Variants in GPC6 observed in about 807,000 individuals in gnomAD.
GPC6 encodes glypican 6.
In GPC6, 14 loss-of-function variants were observed where a neutral mutation model predicts 55.2. The observed-to-expected ratio is 0.25, with a 90% CI of 0.17 to 0.40. GPC6 has a LOEUF of 0.40. Among genes scored for constraint, GPC6 ranks in the 10% least tolerant of loss-of-function variants. The pLI, the probability that GPC6 is intolerant of heterozygous loss-of-function variation, is 1.00. For synonymous variants in GPC6, 278 were observed against 259.6 expected (o/e 1.07, Z -0.68); for missense variants, 641 against 708.5 (o/e 0.90, Z 1.08).
At chr13:94,014,472 A>G (rs1882378231) in intron 3 of GPC6, among the ~76,000 whole-genome samples, 1 of 152,176 alleles carries the variant, frequency 6.6e-6, no homozygotes, top group African/African-American at 2.4e-5. Context: ...GTAGGAATTC[A>G]TTTGTTGGAG....
At chr13:93,842,065 C>T (rs934576806) in intron 3 of GPC6, among the ~76,000 whole-genome samples, 2 of 152,008 alleles carry the variant, frequency 1.3e-5, no homozygotes, top group Non-Finnish European at 2.9e-5. Context: ...TCTAAAAACA[C>T]GTTCTGTTAC....
intron 1 of GPC6, among the ~76,000 whole-genome samples, chr13:93,415,706 A>T (rs1876673179): frequency 6.6e-6 from 1 of 152,118 alleles, no homozygotes; most frequent in African/African-American, 2.4e-5. Context: ...AGGTGAGAAG[A>T]AAGATTCCTA....
At chr13:93,826,914 A>G (rs1887280268) in intron 2 of GPC6, among the ~76,000 whole-genome samples, 1 of 152,028 alleles carries the variant, frequency 6.6e-6, no homozygotes, top group South Asian at 2.1e-4. Context: ...CTGTTCTCCC[A>G]CTTGAGACAA....
chr13:93,990,855 C>T (rs1881267805), intron 3 of GPC6, among the ~76,000 whole-genome samples: 2 of 147,886 alleles, frequency 1.4e-5, no homozygotes, highest in Non-Finnish European at 3.0e-5. Context: ...AGAGCAAGAC[C>T]CTGTCAAAAG....
intron 3 of GPC6, among the ~76,000 whole-genome samples, chr13:93,902,068 C>T (rs1455742865): frequency 6.6e-6 from 1 of 151,836 alleles, no homozygotes; most frequent in African/African-American, 2.4e-5. Context: ...GTGATGAGAA[C>T]ATTCAAAATT....
intron 1 of GPC6, among the ~76,000 whole-genome samples, chr13:93,273,054 A>T (rs1014263368): frequency 2.0e-5 from 3 of 152,222 alleles, no homozygotes; most frequent in Non-Finnish European, 2.9e-5. Flanking sequence ...AAATGCAACA[A>T]AAGCCGAAAT....
chr13:93,896,077 C>G (rs921963216), intron 3 of GPC6, among the ~76,000 whole-genome samples: 1 of 151,956 alleles, frequency 6.6e-6, no homozygotes, highest in African/African-American at 2.4e-5. Context: ...ATGATAAATG[C>G]TTGAGGTGAT....
chr13:93,521,310 T>C (rs554997934), intron 1 of GPC6, among the ~76,000 whole-genome samples: 78 of 151,852 alleles, frequency 5.1e-4, no homozygotes, highest in South Asian at 1.5e-3. Flanking sequence ...CTTTTCTTTT[T>C]TTTTAGGGTG....
At chr13:93,629,777 A>T (rs1292474160) in intron 2 of GPC6, among the ~76,000 whole-genome samples, 1 of 152,222 alleles carries the variant, frequency 6.6e-6, no homozygotes, top group East Asian at 1.9e-4. Context: ...TATGGAAATA[A>T]AACAATAAAC....
chr13:93,443,298 T>C (rs1594173124), intron 1 of GPC6, among the ~76,000 whole-genome samples: 1 of 152,332 alleles, frequency 6.6e-6, no homozygotes, highest in Middle Eastern at 3.4e-3. Context: ...TTCTTATGAA[T>C]AAATTTTTTT....
At chr13:93,450,031 C>T (rs1181828319) in intron 1 of GPC6, among the ~76,000 whole-genome samples, 1 of 152,048 alleles carries the variant, frequency 6.6e-6, no homozygotes, top group Non-Finnish European at 1.5e-5. Context: ...ACCTGCCTGC[C>T]TCAGTCTCCC....
At chr13:93,719,496 G>A (rs1249330940) in intron 2 of GPC6, among the ~76,000 whole-genome samples, 1 of 151,938 alleles carries the variant, frequency 6.6e-6, no homozygotes, top group Non-Finnish European at 1.5e-5. Flanking sequence ...GAGACAATGA[G>A]GTTTTCTAAA....
chr13:94,004,225 C>T (rs1351599998), intron 3 of GPC6, among the ~76,000 whole-genome samples: 2 of 152,036 alleles, frequency 1.3e-5, no homozygotes, highest in Non-Finnish European at 2.9e-5. Context: ...GACATGTACT[C>T]ATGTAGAGAA....
chr13:94,368,526 C>G (rs918344950), intron 6 of GPC6, among the ~76,000 whole-genome samples: 4 of 152,024 alleles, frequency 2.6e-5, no homozygotes, highest in African/African-American at 9.7e-5. Context: ...GTTTCATAAA[C>G]ACAGAATAAA....
intron 1 of GPC6, among the ~76,000 whole-genome samples, chr13:93,366,740 A>G (rs1407710128): frequency 6.6e-6 from 1 of 152,164 alleles, no homozygotes; most frequent in Non-Finnish European, 1.5e-5. Context: ...AGGGACATTC[A>G]AAAGTTTGAG....
At chr13:93,400,106 G>A (rs577097557) in intron 1 of GPC6, among the ~76,000 whole-genome samples, 39 of 152,222 alleles carry the variant, frequency 2.6e-4, no homozygotes, top group Non-Finnish European at 4.3e-4. Flanking sequence ...GTGGTTGACG[G>A]GGAGATGCAG....
At chr13:94,133,139 G>A (rs957826197) in intron 4 of GPC6, among the ~76,000 whole-genome samples, 25 of 151,824 alleles carry the variant, frequency 1.6e-4, no homozygotes, top group African/African-American at 6.0e-4. Context: ...GAGTATTTAC[G>A]ATGGTCAGGT....
At chr13:93,683,260 T>C (rs1881921577) in intron 2 of GPC6, among the ~76,000 whole-genome samples, 2 of 126,362 alleles carry the variant, frequency 1.6e-5, no homozygotes. Context: ...TAGGAAATAC[T>C]CAATACAATA....
At chr13:93,532,780 G>A (rs1415463758) in intron 1 of GPC6, among the ~76,000 whole-genome samples, 1 of 152,170 alleles carries the variant, frequency 6.6e-6, no homozygotes, top group Non-Finnish European at 1.5e-5. Flanking sequence ...AGTTTCTTCT[G>A]TGTCATCTAG....
Sources: allele counts gnomAD v4.1 joint callset (sites outside exome capture counted in the v4.1 genomes callset), GRCh38; gene constraint gnomAD v4.1.1; transcripts MANE v1.5; gene names NCBI Gene and HGNC (gene_info 2026-07-23, HGNC 2026-07-21).